The following TTC6 variants were observed in gnomAD, a reference collection of about 807,000 sequenced individuals.
The protein encoded by TTC6 is tetratricopeptide repeat protein 6.
Under a neutral mutation model 210.4 loss-of-function variants are expected in TTC6, and 172 were observed. The observed-to-expected ratio is 0.82, with a 90% CI of 0.72 to 0.93. The LOEUF (loss-of-function observed/expected upper bound fraction) is 0.93. TTC6 is among the 40% of genes least tolerant of loss of function. The pLI is 0.00. For missense variants in TTC6, 2,414 were observed against 2,318.1 expected (o/e 1.04, Z -0.85); for synonymous variants, 804 against 819.6 (o/e 0.98, Z 0.32).
intron 3 of TTC6, among the ~76,000 whole-genome samples, chr14:37,693,608 A>G (rs71407714): frequency 6.6e-6 from 1 of 152,102 alleles, no homozygotes; most frequent in Non-Finnish European, 1.5e-5. Flanking sequence ...CAAAACAAAC[A>G]AACAACGACA....
chr14:37,683,054 T>C, intron 3 of TTC6, 90 bp downstream of exon 5: 1 of 1,181,512 alleles, frequency 8.5e-7, no homozygotes, highest in East Asian at 2.6e-5. Context: ...AGGACCAACG[T>C]ATGGGGCTGG....
At chr14:37,738,114 A>G (rs1232686546) in intron 9 of TTC6, among the ~76,000 whole-genome samples, 1 of 151,314 alleles carries the variant, frequency 6.6e-6, no homozygotes, top group Non-Finnish European at 1.5e-5. Context: ...AAAGTAATTT[A>G]TCTTGTGTAA....
exon 17 of TTC6, chr14:37,792,307 C>T (rs1208374463): frequency 6.5e-7 from 1 of 1,531,832 alleles, no homozygotes; most frequent in South Asian, 1.2e-5. Context: ...CATACATCTG[C>T]TACACCTGGA....
chr14:37,659,866 T>C (rs2095733590), intron 1 of TTC6, among the ~76,000 whole-genome samples: 1 of 150,672 alleles, frequency 6.6e-6, no homozygotes, highest in Admixed American at 6.6e-5. Context: ...TAGTAAATTT[T>C]TTTTCATAAG....
intron 14 of TTC6, among the ~76,000 whole-genome samples, chr14:37,758,756 A>G (rs1225271913): frequency 6.6e-6 from 1 of 152,120 alleles, no homozygotes; most frequent in Non-Finnish European, 1.5e-5. Context: ...TTTATACATT[A>G]GTTGGTGCAG....
intron 3 of TTC6, 59 bp from the exon 6 acceptor site, chr14:37,696,658 A>G (rs1441295863): frequency 8.9e-6 from 7 of 787,854 alleles, no homozygotes; most frequent in Non-Finnish European, 1.3e-5. Flanking sequence ...AATATGAGAG[A>G]AAGATCTAAC....
At chr14:37,698,816 T>A (rs889204626) in intron 4 of TTC6, among the ~76,000 whole-genome samples, 1 of 152,204 alleles carries the variant, frequency 6.6e-6, no homozygotes, top group African/African-American at 2.4e-5. Context: ...TCTTGAGATA[T>A]TTCTGCAGGC....
At chr14:37,769,610 C>G (rs181591898) in intron 14 of TTC6, among the ~76,000 whole-genome samples, 2 of 152,108 alleles carry the variant, frequency 1.3e-5, no homozygotes, top group African/African-American at 4.8e-5. Flanking sequence ...GTAGTATTCT[C>G]TGATGGTAGT....
upstream of TTC6, among the ~76,000 whole-genome samples, chr14:37,618,655 G>C (rs1425889713): frequency 1.5e-4 from 23 of 152,174 alleles, 1 homozygote; most frequent in Admixed American, 1.4e-3. Flanking sequence ...AAGGCACTTA[G>C]CTTTGATGGA....
exon 1 of TTC6, chr14:37,622,577 G>A: frequency 6.5e-7 from 1 of 1,534,126 alleles, no homozygotes; most frequent in East Asian, 2.5e-5. Flanking sequence ...AGAGCTCGCG[G>A]CACGCGGCTC....
exon 11 of TTC6, chr14:37,749,182 C>A: frequency 6.5e-7 from 1 of 1,534,424 alleles, no homozygotes; most frequent in Non-Finnish European, 8.7e-7. Flanking sequence ...TTCCTGAAGA[C>A]CCACCTGAAA....
intron 15 of TTC6, among the ~76,000 whole-genome samples, chr14:37,788,275 C>T (rs781664116): frequency 2.0e-5 from 3 of 152,114 alleles, no homozygotes; most frequent in Non-Finnish European, 4.4e-5. Flanking sequence ...CAGCCTCCAA[C>T]AGAATGAATG....
intron 3 of TTC6, among the ~76,000 whole-genome samples, chr14:37,691,443 C>G (rs1034050844): frequency 6.6e-6 from 1 of 152,068 alleles, no homozygotes; most frequent in African/African-American, 2.4e-5. Flanking sequence ...TTCTGAATGA[C>G]CAGCAAGTCA....
intron 21 of TTC6, 66 bp from the exon 24 acceptor site, chr14:37,806,295 G>A (rs368480145): frequency 1.1e-4 from 149 of 1,398,822 alleles, no homozygotes; most frequent in Admixed American, 3.0e-4. Flanking sequence ...ACTGTAATTC[G>A]TTAACATTTT....
At chr14:37,602,137 C>G (rs1471848326) in intron 1 of TTC6, among the ~76,000 whole-genome samples, 2 of 152,206 alleles carry the variant, frequency 1.3e-5, no homozygotes, top group Non-Finnish European at 2.9e-5. Flanking sequence ...TCTGCGCGCC[C>G]GCAGGGCAGG....
exon 20 of TTC6, chr14:37,796,898 C>T (rs749177393): frequency 6.2e-7 from 1 of 1,608,334 alleles, no homozygotes; most frequent in Non-Finnish European, 8.5e-7. Flanking sequence ...GCTGAGATGA[C>T]CATGTGTGCT....
chr14:37,726,504 G>C (rs1289600721), intron 7 of TTC6, among the ~76,000 whole-genome samples: 1 of 151,968 alleles, frequency 6.6e-6, no homozygotes, highest in Non-Finnish European at 1.5e-5. Flanking sequence ...GTTGAATTCT[G>C]TTAGGCCATA....
At chr14:37,738,622 G>A (rs940572239) in intron 9 of TTC6, among the ~76,000 whole-genome samples, 154 bp from the exon 12 acceptor site, 4 of 152,076 alleles carry the variant, frequency 2.6e-5, no homozygotes, top group African/African-American at 7.2e-5. Flanking sequence ...TTTATCAGCT[G>A]ACTTTTGAAT....
chr14:37,797,068 A>C, intron 20 of TTC6, 121 bp downstream of exon 22: 1 of 961,114 alleles, frequency 1.0e-6, no homozygotes, highest in Admixed American at 4.0e-5. Context: ...TCTGTGAATT[A>C]ACATTTGGGT....
Sources: allele counts gnomAD v4.1 joint callset (sites outside exome capture counted in the v4.1 genomes callset), GRCh38; gene constraint gnomAD v4.1.1; transcripts MANE v1.5; gene names NCBI Gene and HGNC (gene_info 2026-07-23, HGNC 2026-07-21).